The following MTM1 variants were observed in gnomAD, a reference collection of about 807,000 sequenced individuals.
MTM1 encodes myotubularin 1.
In MTM1, 9 loss-of-function variants were observed where a neutral mutation model predicts 52.1. The ratio of observed to expected loss-of-function variants is 0.17; its 90% CI spans 0.10 to 0.30. The LOEUF is 0.30. Ranked by LOEUF, MTM1 falls within the 10% of genes least tolerant of loss-of-function variation. The probability of loss-of-function intolerance (pLI) is 1.00; values close to 1 mark genes in which losing one functional copy is unlikely to be tolerated. For missense variants in MTM1, 277 were observed against 470.7 expected (o/e 0.59, Z 3.81); for synonymous variants, 136 against 163.8 (o/e 0.83, Z 1.29).
chrX:150,567,450 A>G (rs888051284), upstream of MTM1, among the ~76,000 whole-genome samples: 2 of 112,201 alleles, frequency 1.8e-5, no homozygotes, highest in Non-Finnish European at 3.8e-5. Flanking sequence ...GAGAAAAAAA[A>G]CAGGTCATGA....
intron 8 of MTM1, 56 bp downstream of exon 8, chrX:150,641,474 G>A (rs2039848641): frequency 8.6e-7 from 1 of 1,161,569 alleles, no homozygotes; most frequent in Non-Finnish European, 1.2e-6. Context: ...CATAAGAATG[G>A]TAGTCATATA....
At chrX:150,581,788 A>G (rs1228667448) in intron 1 of MTM1, among the ~76,000 whole-genome samples, 1 of 111,842 alleles carries the variant, frequency 8.9e-6, no homozygotes, top group Admixed American at 9.5e-5. Flanking sequence ...TTATTAGCAG[A>G]CAAATTGTTT....
chrX:150,567,743 G>A (rs782368584), upstream of MTM1, among the ~76,000 whole-genome samples: 5 of 111,118 alleles, frequency 4.5e-5, no homozygotes, highest in Non-Finnish European at 9.4e-5. Flanking sequence ...TAGTAGAGAC[G>A]AGGTTTCACC....
In MTM1 at chrX:150,579,460, A is replaced by G. The variant is rs192553979; in HGVS notation, c.-11+10798A>G. On this transcript the variant is annotated intron_variant, in intron 1 of 14. Transcript: ENST00000370396. ...GACGTATTTTGTTCAGTGTTTCCCTAAGTATTTCATTTTTTTTGGTATTGC... is the reference window on the plus strand; with the variant it reads ...GACGTATTTTGTTCAGTGTTTCCCTGAGTATTTCATTTTTTTTGGTATTGC... 3.1e-3 allele frequency among the ~76,000 whole-genome samples: 346 copies of G among 111,644 alleles called. 2 individuals carry two copies. Among genetic ancestry groups the G allele is most frequent in the African/African-American group, 0.01 (320 of 30,658 alleles).
intron 13 of MTM1, among the ~76,000 whole-genome samples, chrX:150,661,423 A>G (rs2040219752): frequency 9.0e-6 from 1 of 111,502 alleles, no homozygotes. Context: ...ACGATCCAGC[A>G]CTCCCACTAT....
At chrX:150,616,692 G>A (rs1312490949) in intron 5 of MTM1, among the ~76,000 whole-genome samples, 2 of 111,275 alleles carry the variant, frequency 1.8e-5, no homozygotes, top group African/African-American at 6.5e-5. Flanking sequence ...ACAAAAAAAA[G>A]TGAAGTAAAA....
At position 150,625,815 on chromosome X, in the gene MTM1, A is replaced by G. The variant is rs1307800935; in HGVS notation, c.444+6676A>G. On this transcript the variant is annotated intron_variant, in intron 6 of 14. Transcript: ENST00000370396. ...TTTGTTTTCGTGTGTGTGGTGGGAG[A>G]TATTTGACCTTCTTATGTCAGTCAG... Among the ~76,000 whole-genome samples, 4 of 112,490 alleles carry G rather than the reference A, an allele frequency of 3.6e-5. No individual in the cohort carries two copies. In the South Asian group the frequency reaches 1.5e-3, roughly 41 times the overall value.
intron 4 of MTM1, among the ~76,000 whole-genome samples, chrX:150,604,467 C>T (rs1050642859): frequency 1.1e-4 from 12 of 111,167 alleles, no homozygotes; most frequent in Admixed American, 8.6e-4. Flanking sequence ...GAGTTTTCAC[C>T]TGGCATCCCA....
rs1472017997 is a variant in MTM1, at chrX:150,583,032, ATATT to A, written c.-10-9570_-10-9567del. On this transcript the variant is annotated intron_variant, in intron 1 of 14. Transcript: ENST00000370396. ...TATATAAATATAAATACATATTTAT[ATATT>A]TAAATATAATTTATATAATTTATAA... 1.8e-3 allele frequency among the ~76,000 whole-genome samples: 166 copies of A among 92,291 alleles called. 1 individual carries two copies. The highest frequency in any genetic ancestry group is 5.8e-3 in the African/African-American group (147 of 25,179). 80.1% of individuals were successfully genotyped at this position (92,291 alleles called of 115,157 possible).
At position 150,596,563 on chromosome X, in the gene MTM1, A is replaced by C; in HGVS notation, c.129A>C (p.Leu43=). ...EAVPRLPGET[L]ITDKEVIYIC... is the part of the protein sequence containing the mutation. The stretch of plus-strand genomic sequence containing the variant: ...TTCCTCGACTTCCAGGAGAAACACT[A>C]ATCACTGGTAAGGACCTGCTGACAT... Residue 43 remains leucine, a synonymous_variant, in exon 3 of 15, where the codon CTA becomes CTC. Coordinates refer to ENST00000370396, the MANE Select transcript of MTM1 (RefSeq NM_000252.3). 1 of 1,204,550 alleles carries C rather than the reference A, an allele frequency of 8.3e-7. No individual in the cohort carries two copies. The highest frequency in any genetic ancestry group is 1.8e-5 in the South Asian group (1 of 56,823).
intron 13 of MTM1, among the ~76,000 whole-genome samples, chrX:150,660,890 T>C (rs973108902): frequency 2.7e-5 from 3 of 111,221 alleles, no homozygotes; most frequent in Non-Finnish European, 5.7e-5. Context: ...TAATATAGAG[T>C]GACAACAAAC....
chrX:150,590,120 C>T (rs368915237), intron 1 of MTM1, among the ~76,000 whole-genome samples: 29 of 111,830 alleles, frequency 2.6e-4, no homozygotes, highest in African/African-American at 8.1e-4. Flanking sequence ...ATGTAGTCAG[C>T]TGCAACATTT....
Position 150,663,449 on chromosome X carries a change from C to G in MTM1, c.1484C>G (p.Thr495Ser), listed in dbSNP as rs782128516. 9.1e-6 allele frequency: 11 copies of G among 1,211,031 alleles called. No individual in the cohort carries two copies. The highest frequency in any genetic ancestry group is 1.2e-5 in the Non-Finnish European group (11 of 894,935). Residue 495 changes from threonine to serine, a missense_variant, in exon 14 of 15, where the codon ACT (threonine) becomes AGT (serine). Thr to Ser is a moderately conservative substitution (Grantham distance 58). Transcript: ENST00000370396. ...TCTCTGTAGAAGGTTACAGAAAGGA[C>G]TGTTTCTTTATGGTCACTGATAAAC... ...ARERQKVTER[T>S]VSLWSLINSN...
intron 14 of MTM1, among the ~76,000 whole-genome samples, chrX:150,669,044 C>T (rs2040353133): frequency 9.0e-6 from 1 of 110,917 alleles, no homozygotes. Flanking sequence ...CCCCACTCCC[C>T]AACAGGCCCT....
intron 10 of MTM1, among the ~76,000 whole-genome samples, chrX:150,655,257 G>A (rs782059654): frequency 1.2e-4 from 13 of 107,216 alleles, no homozygotes; most frequent in Middle Eastern, 9.3e-3. Context: ...CCCAGGAGGC[G>A]GAGCTTGTAG....
chrX:150,612,523 C>CA (rs1157347986), intron 4 of MTM1, among the ~76,000 whole-genome samples: 4 of 110,199 alleles, frequency 3.6e-5, no homozygotes, highest in African/African-American at 1.3e-4. Flanking sequence ...GAGACCCCCC[C>CA]ACCATCTCTA....
chrX:150,601,980 G>GAAGCTGC (rs1334706866), intron 4 of MTM1, among the ~76,000 whole-genome samples: 1 of 111,415 alleles, frequency 9.0e-6, no homozygotes, highest in Non-Finnish European at 1.9e-5. Context: ...ACCCCTTTCA[G>GAAGCTGC]AAGCTGCTAG....
intron 7 of MTM1, among the ~76,000 whole-genome samples, chrX:150,639,940 T>C (rs2039820427): frequency 8.9e-6 from 1 of 112,283 alleles, no homozygotes; most frequent in Non-Finnish European, 1.9e-5. Flanking sequence ...TTTTTAGTCT[T>C]AATCAACGGT....
intron 1 of MTM1, among the ~76,000 whole-genome samples, chrX:150,577,459 G>A (rs1313903873): frequency 4.4e-5 from 5 of 112,504 alleles, no homozygotes; most frequent in Non-Finnish European, 7.5e-5. Flanking sequence ...CCTTTAAAAT[G>A]TTAGCCATTT....
Sources: allele counts gnomAD v4.1 joint callset (sites outside exome capture counted in the v4.1 genomes callset), GRCh38; gene constraint gnomAD v4.1.1; transcripts MANE v1.5; gene names NCBI Gene and HGNC (gene_info 2026-07-23, HGNC 2026-07-21).